MRTFA: variants seen among roughly 807,000 people sequenced by gnomAD.
The protein encoded by MRTFA is myocardin-related transcription factor A.
Under a neutral mutation model 83.5 loss-of-function variants are expected in MRTFA, and 20 were observed. The ratio of observed to expected loss-of-function variants is 0.24; its 90% CI spans 0.17 to 0.35. MRTFA has a LOEUF of 0.35. Ranked by LOEUF, MRTFA falls within the 10% of genes least tolerant of loss-of-function variation. MRTFA has a pLI of 1.00. For synonymous variants in MRTFA, 659 were observed against 541.2 expected, an observed-to-expected ratio of 1.22 and a Z score of -3.02; for missense variants, 1,200 against 1,224.7, an observed-to-expected ratio of 0.98 and a Z score of 0.30.
intron 3 of MRTFA, among the ~76,000 whole-genome samples, chr22:40,507,972 CAAAAAAAAAAAAA>C (rs11315930): frequency 3.7e-4 from 14 of 37,544 alleles, no homozygotes; most frequent in African/African-American, 5.5e-4. Context: ...GACTCCACCT[CAAAAAAAAAAAAA>C]AAAAAAAAAA....
chr22:40,612,014 T>G (rs941344373), intron 1 of MRTFA, among the ~76,000 whole-genome samples: 4 of 152,228 alleles, frequency 2.6e-5, no homozygotes, highest in African/African-American at 7.2e-5. Flanking sequence ...TTTCCACAGA[T>G]AGCAGAGTAC....
At chr22:40,608,613 T>C (rs138256461) in intron 1 of MRTFA, among the ~76,000 whole-genome samples, 2 of 152,266 alleles carry the variant, frequency 1.3e-5, no homozygotes, top group Admixed American at 1.3e-4. Context: ...CTCAGGTCTG[T>C]TTGATGCCAA....
Position 40,423,401 on chromosome 22 carries a change from G to A in MRTFA, c.927+135C>T, listed in dbSNP as rs190549831. The stretch of plus-strand genomic sequence containing the variant: ...GTCATGATGGACAGCAGACAGAACG[G>A]GAAGAAACTCCCAGACCAATGGGAG... On this transcript the variant is annotated intron_variant, in intron 9 of 14. Coordinates refer to ENST00000355630, the MANE Select transcript of MRTFA (RefSeq NM_020831.6). 4.8e-5 allele frequency: 38 copies of A among 799,080 alleles called. No individual in the cohort carries two copies. The African/African-American group carries it at 6.5e-4, about 14-fold the overall frequency. 49.5% of individuals were successfully genotyped at this position (799,080 alleles called of 1,614,324 possible). A position where few individuals can be genotyped will look rare whatever the true frequency, so the allele number is the denominator to read the frequency against.
intron 4 of MRTFA, among the ~76,000 whole-genome samples, chr22:40,457,423 TGAAAGAAAGAAAGAGAAAGAAA>T (rs1274384334): frequency 2.8e-3 from 146 of 52,294 alleles, no homozygotes; most frequent in Middle Eastern, 0.011. Context: ...AGAGACAGAA[TGAAAGAAAGAAAGAGAAAGAAA>T]GAAAGAAAGA....
At chr22:40,564,255 T>C (rs1054676918) in intron 2 of MRTFA, among the ~76,000 whole-genome samples, 2 of 152,208 alleles carry the variant, frequency 1.3e-5, no homozygotes, top group Non-Finnish European at 2.9e-5. Context: ...TTTTGCATGT[T>C]GGGTCGAGGG....
intron 3 of MRTFA, among the ~76,000 whole-genome samples, chr22:40,549,084 A>G (rs2055409145): frequency 6.6e-6 from 1 of 152,034 alleles, no homozygotes; most frequent in Non-Finnish European, 1.5e-5. Context: ...TTTTTTTAAG[A>G]GACAGGGTCT....
intron 3 of MRTFA, among the ~76,000 whole-genome samples, chr22:40,480,932 G>A (rs2054080060): frequency 6.6e-6 from 1 of 151,642 alleles, no homozygotes; most frequent in Non-Finnish European, 1.5e-5. Context: ...AGACTTTTCT[G>A]AGCAACACAG....
chr22:40,603,096 G>A (rs2056278916), intron 1 of MRTFA, among the ~76,000 whole-genome samples: 1 of 152,136 alleles, frequency 6.6e-6, no homozygotes, highest in Admixed American at 6.5e-5. Flanking sequence ...TTAACTTCCA[G>A]AATAAAACTA....
intron 1 of MRTFA, among the ~76,000 whole-genome samples, chr22:40,614,564 T>A (rs1410093293): frequency 6.6e-6 from 1 of 152,218 alleles, no homozygotes. Flanking sequence ...CTCGGCTCAC[T>A]GCAACCTACG....
In MRTFA at chr22:40,529,355, C is replaced by T. The variant is rs755220179; in HGVS notation, c.241+22751G>A. On this transcript the variant is annotated intron_variant, in intron 3 of 14. Coordinates refer to ENST00000355630, the MANE Select transcript of MRTFA (RefSeq NM_020831.6). The stretch of plus-strand genomic sequence containing the variant: ...TTTTTGAGATGGAATCTTGCTGTGT[C>T]GCCCTGGCTGGAGTGCAGTGGTGCG... 1.9e-4 allele frequency among the ~76,000 whole-genome samples: 29 copies of T among 152,148 alleles called. 1 individual carries two copies. Among genetic ancestry groups the T allele is most frequent in the Admixed American group, 1.2e-3 (19 of 15,274 alleles).
intron 3 of MRTFA, among the ~76,000 whole-genome samples, chr22:40,476,155 A>AAAG (rs1356939389): frequency 6.9e-6 from 1 of 144,860 alleles, no homozygotes; most frequent in Admixed American, 6.9e-5. Flanking sequence ...AAAAAAAAAA[A>AAAG]GGGGGGGGGT....
intron 13 of MRTFA, 135 bp from the exon 14 acceptor site, chr22:40,417,181 T>A: frequency 7.4e-7 from 1 of 1,357,158 alleles, no homozygotes; most frequent in Non-Finnish European, 1.0e-6. Context: ...GTGCCCGGAC[T>A]CCTGGAGCCC....
intron 2 of MRTFA, among the ~76,000 whole-genome samples, chr22:40,593,705 C>G: frequency 6.6e-6 from 1 of 152,032 alleles, no homozygotes; most frequent in Admixed American, 6.5e-5. Context: ...TAGCAATGTA[C>G]TAATCTCTTC....
At chr22:40,497,336 A>T (rs1478742255) in intron 3 of MRTFA, among the ~76,000 whole-genome samples, 1 of 152,236 alleles carries the variant, frequency 6.6e-6, no homozygotes, top group Non-Finnish European at 1.5e-5. Context: ...TATGAAAATA[A>T]CAATTACTTG....
chr22:40,414,372 G>A (rs905631717), intron 14 of MRTFA, among the ~76,000 whole-genome samples: 3 of 152,094 alleles, frequency 2.0e-5, no homozygotes, highest in Admixed American at 6.6e-5. Context: ...CATATGATCC[G>A]GCAATTCCAA....
intron 2 of MRTFA, among the ~76,000 whole-genome samples, chr22:40,553,918 G>A (rs187036544): frequency 5.9e-5 from 9 of 152,282 alleles, no homozygotes; most frequent in South Asian, 2.1e-4. Flanking sequence ...GCTCAAGGCC[G>A]TGGGAGCCCA....
At chr22:40,532,757 A>C (rs2055104958) in intron 3 of MRTFA, among the ~76,000 whole-genome samples, 1 of 152,230 alleles carries the variant, frequency 6.6e-6, no homozygotes, top group African/African-American at 2.4e-5. Context: ...GCCAGAACCA[A>C]GAAGTCTTAT....
Position 40,431,491 on chromosome 22 carries a change from A to G in MRTFA, c.364-11T>C, listed in dbSNP as rs774276055. The G allele has an allele frequency of 1.2e-6, 2 of 1,613,408 alleles. No individual in the cohort carries two copies. Among genetic ancestry groups the G allele is most frequent in the Non-Finnish European group, 1.7e-6 (2 of 1,179,426 alleles). On this transcript the variant is annotated splice_polypyrimidine_tract_variant and intron_variant, in intron 5 of 14. Coordinates refer to ENST00000355630, the MANE Select transcript of MRTFA (RefSeq NM_020831.6). ...GAGATAGTCCTCTGTCTACAGAAAA[A>G]ACACACCAAGAAACTCTCAAATCCA...
At chr22:40,519,214 G>A (rs1011587462) in intron 3 of MRTFA, among the ~76,000 whole-genome samples, 3 of 152,068 alleles carry the variant, frequency 2.0e-5, no homozygotes, top group Non-Finnish European at 4.4e-5. Context: ...ATTTTAAATG[G>A]AAAACTACCC....
Sources: allele counts gnomAD v4.1 joint callset (sites outside exome capture counted in the v4.1 genomes callset), GRCh38; gene constraint gnomAD v4.1.1; transcripts MANE v1.5; gene names NCBI Gene and HGNC (gene_info 2026-07-23, HGNC 2026-07-21).